LMNB1: variants seen among roughly 807,000 people sequenced by gnomAD.
LMNB1 encodes lamin-B1.
In LMNB1, 23 loss-of-function variants were observed where a neutral mutation model predicts 67.1. The observed-to-expected ratio is 0.34, with a 90% CI of 0.25 to 0.49. The LOEUF (loss-of-function observed/expected upper bound fraction) is 0.49. Among genes scored for constraint, LMNB1 ranks in the 20% least tolerant of loss-of-function variants. The pLI is 0.99. For synonymous variants in LMNB1, 281 were observed against 282.9 expected, an observed-to-expected ratio of 0.99 and a Z score of 0.07; for missense variants, 634 against 746.5, an observed-to-expected ratio of 0.85 and a Z score of 1.76.
chr5:126,825,377 G>A (rs771758702), intron 8 of LMNB1, among the ~76,000 whole-genome samples: 4 of 152,154 alleles, frequency 2.6e-5, no homozygotes, highest in Non-Finnish European at 5.9e-5. Flanking sequence ...CATTCTTTTT[G>A]GAGCGCAGTC....
chr5:126,832,641 C>A (rs545717851), intron 9 of LMNB1, 53 bp from the exon 10 acceptor site: 12 of 1,293,448 alleles, frequency 9.3e-6, no homozygotes, highest in Admixed American at 5.2e-5. Context: ...CCCTCTCCCC[C>A]GCATTTGGTG....
At chr5:126,835,388 G>A (rs188185518) in intron 10 of LMNB1, among the ~76,000 whole-genome samples, 1 of 152,314 alleles carries the variant, frequency 6.6e-6, no homozygotes, top group Admixed American at 6.5e-5. Flanking sequence ...ATATTGTGAG[G>A]TTATATGAAA....
chr5:126,805,769 A>G, intron 3 of LMNB1, 73 bp downstream of exon 3: 5 of 1,043,486 alleles, frequency 4.8e-6, no homozygotes, highest in Non-Finnish European at 4.1e-6. Flanking sequence ...CTAAACATGT[A>G]ATTATATTTT....
In LMNB1 at chr5:126,825,999, A is replaced by G. The variant is rs1386405729; in HGVS notation, c.1503A>G (p.Ala501=). ...KAGQTVTIWA[A]NAGVTASPPT... Reference sequence around the variant, plus strand: ...TTGGTTTTTTACAGATTTGGGCTGCAAACGCTGGTGTCACAGCCAGCCCCC... The same window carrying G: ...TTGGTTTTTTACAGATTTGGGCTGCGAACGCTGGTGTCACAGCCAGCCCCC... The change falls in exon 9 of 11, where the codon GCA becomes GCG. Residue 501 remains alanine, a synonymous_variant. Transcript: ENST00000261366. The G allele has an allele frequency of 1.2e-6, 2 of 1,613,768 alleles. No individual in the cohort carries two copies. Among genetic ancestry groups the G allele is most frequent in the Non-Finnish European group, 1.7e-6 (2 of 1,179,904 alleles).
chr5:126,821,233 C>T (rs1217353546), intron 7 of LMNB1, 98 bp downstream of exon 7: 13 of 741,262 alleles, frequency 1.8e-5, no homozygotes, highest in African/African-American at 3.5e-5. Flanking sequence ...GGATTCATTA[C>T]GTCTTCATGG....
chr5:126,817,668 A>G (rs1049513561), intron 5 of LMNB1, among the ~76,000 whole-genome samples: 14 of 152,186 alleles, frequency 9.2e-5, no homozygotes, highest in Non-Finnish European at 1.5e-4. Flanking sequence ...CAGCCCCAGT[A>G]TATGTTAAAG....
chr5:126,800,355 A>G (rs1288096243), intron 1 of LMNB1, among the ~76,000 whole-genome samples: 5 of 152,180 alleles, frequency 3.3e-5, no homozygotes, highest in Non-Finnish European at 7.3e-5. Flanking sequence ...GCAGGGAAGC[A>G]TTACAGAGGA....
chr5:126,827,784 T>C (rs1430469776), intron 9 of LMNB1, among the ~76,000 whole-genome samples: 1 of 152,006 alleles, frequency 6.6e-6, no homozygotes, highest in African/African-American at 2.4e-5. Flanking sequence ...CAGAGGAAAA[T>C]GGTGTGTGAT....
rs199960320 is a variant in LMNB1 at position 126,811,740 on chromosome 5, A to G, written c.814-33A>G. On this transcript the variant is annotated intron_variant, in intron 4 of 10. Transcript: ENST00000261366. ...GCTTCCTTTTTTGTTTCAGTTCTAG[A>G]TAAGACTGACTATGCTTTGCTTCTT... 1,054 of 1,585,348 alleles carry G rather than the reference A, an allele frequency of 6.6e-4. 1 individual carries two copies. Among genetic ancestry groups the G allele is most frequent in the Non-Finnish European group, 8.5e-4 (986 of 1,157,646 alleles).
Position 126,777,525 on chromosome 5 carries a change from C to G in LMNB1, c.17C>G (p.Pro6Arg). The G allele has an allele frequency of 7.2e-7, 1 of 1,388,516 alleles. No homozygotes were observed. 86.0% of individuals were successfully genotyped at this position (1,388,516 alleles called of 1,614,324 possible). Residue 6 changes from proline to arginine, a missense_variant, in exon 1 of 11, where the codon CCC becomes CGC. Transcript: ENST00000261366. ...CCGCCCGCCATGGCGACTGCGACCC[C>G]CGTGCCGCCGCGGATGGGCAGCCGC... is the stretch of plus-strand genomic sequence containing the variant. MATATPVPPRMGSRAG... is the reference protein window; with the variant it reads MATATRVPPRMGSRAG...
intron 1 of LMNB1, among the ~76,000 whole-genome samples, chr5:126,781,302 G>C (rs1273872269): frequency 6.6e-6 from 1 of 151,792 alleles, no homozygotes; most frequent in Non-Finnish European, 1.5e-5. Flanking sequence ...TTCATATTTT[G>C]TTGAAGAACA....
At position 126,787,546 on chromosome 5, in the gene LMNB1, A is replaced by ATATATATTTTTTTTTTTT; in HGVS notation, c.359+9680_359+9681insATATATTTTTTTTTTTTT. ...GGGGTATATATATATATATATATAT[A>ATATATATTTTTTTTTTTT]TTTTTTTTTTTTTTTTTTGAGATAG... is the stretch of plus-strand genomic sequence containing the variant. On this transcript the variant is annotated intron_variant, in intron 1 of 10. Transcript: ENST00000261366. Among the ~76,000 whole-genome samples, 138 of 65,530 alleles carry ATATATATTTTTTTTTTTT rather than the reference A, an allele frequency of 2.1e-3. 6 individuals are homozygous for ATATATATTTTTTTTTTTT. Among genetic ancestry groups the ATATATATTTTTTTTTTTT allele is most frequent in the African/African-American group, 4.5e-3 (69 of 15,240 alleles). The allele number at this position is 65,530 out of a possible 152,430, so 43.0% of individuals were successfully genotyped here.
Position 126,807,010 on chromosome 5 carries a change from C to A in LMNB1, c.642+1314C>A, listed in dbSNP as rs555966412. Among the ~76,000 whole-genome samples, 10 of 152,272 alleles carry A rather than the reference C, an allele frequency of 6.6e-5. No individual in the cohort carries two copies. In the East Asian group the frequency reaches 1.9e-3, roughly 29 times the overall value. On this transcript the variant is annotated intron_variant, in intron 3 of 10. Transcript: ENST00000261366. ...GCCAGGATGGTCTCAATCTCCTGACCTTGTGATTGGCCCGCCTCAGCCTCC... is the reference window on the plus strand; with the variant it reads ...GCCAGGATGGTCTCAATCTCCTGACATTGTGATTGGCCCGCCTCAGCCTCC...
In LMNB1 at chr5:126,836,378, A is replaced by G; in HGVS notation, c.*114A>G. 1.3e-6 allele frequency: 1 copy of G among 760,670 alleles called. No individual in the cohort carries two copies. The highest frequency in any genetic ancestry group is 2.6e-5 in the East Asian group (1 of 38,744). 47.1% of individuals were successfully genotyped at this position (760,670 alleles called of 1,614,324 possible). On this transcript the variant is annotated 3_prime_UTR_variant, in exon 11 of 11. Coordinates refer to ENST00000261366, the MANE Select transcript of LMNB1 (RefSeq NM_005573.4). ...TTATATTTCCTTTATGTGAATTTTT[A>G]AGCTGCAAATCTGATGGCCTTAATT...
chr5:126,804,106 G>A (rs1488268746), intron 1 of LMNB1, among the ~76,000 whole-genome samples: 6 of 151,522 alleles, frequency 4.0e-5, no homozygotes. Flanking sequence ...CTGGGTCTTG[G>A]TCTACTGCCC....
intron 1 of LMNB1, among the ~76,000 whole-genome samples, chr5:126,779,112 T>G (rs1324501826): frequency 6.6e-6 from 1 of 152,226 alleles, no homozygotes; most frequent in African/African-American, 2.4e-5. Context: ...GATGTCTTTC[T>G]GTCTGTATCT....
chr5:126,816,010 C>G (rs60107783), intron 5 of LMNB1, among the ~76,000 whole-genome samples: 11 of 152,168 alleles, frequency 7.2e-5, no homozygotes, highest in African/African-American at 2.6e-4. Flanking sequence ...CTCATCAACT[C>G]TCCTTTAGAT....
intron 1 of LMNB1, among the ~76,000 whole-genome samples, chr5:126,800,604 G>GA (rs1751245993): frequency 6.7e-6 from 1 of 148,476 alleles, no homozygotes; most frequent in Non-Finnish European, 1.5e-5. Flanking sequence ...GGACTGTTGG[G>GA]ATGGGGCTTG....
In LMNB1 at chr5:126,800,975, ATATATAATT is replaced by A. The variant is rs1561742537; in HGVS notation, c.360-3799_360-3791del. ...ACTATATATATATATATATATATATATATATAATTTTTTTTTTTTTTTTTTGGTGGTAGG... is the reference window on the plus strand; with the variant it reads ...ACTATATATATATATATATATATATATTTTTTTTTTTTTTTTGGTGGTAGG... On this transcript the variant is annotated intron_variant, in intron 1 of 10. Transcript: ENST00000261366. Among the ~76,000 whole-genome samples, 74 of 38,496 alleles carry A rather than the reference ATATATAATT, an allele frequency of 1.9e-3. 1 individual carries two copies. The highest frequency in any genetic ancestry group is 2.6e-3 in the Admixed American group (8 of 3,022). The allele number at this position is 38,496 out of a possible 152,430, so 25.3% of individuals were successfully genotyped here.
Sources: allele counts gnomAD v4.1 joint callset (sites outside exome capture counted in the v4.1 genomes callset), GRCh38; gene constraint gnomAD v4.1.1; transcripts MANE v1.5; gene names NCBI Gene and HGNC (gene_info 2026-07-23, HGNC 2026-07-21).